C9orf85: variants seen among roughly 807,000 people sequenced by gnomAD.
C9orf85 encodes the protein chromosome 9 open reading frame 85, also known as uncharacterized protein C9orf85.
A neutral mutation model predicts 14.9 loss-of-function variants in C9orf85; 16 were observed. The ratio of observed to expected loss-of-function variants is 1.08; its 90% CI spans 0.73 to 1.63. The LOEUF is 1.63. C9orf85 is among the 40% of genes most tolerant of loss of function. C9orf85 has a pLI of 0.00. For synonymous variants in C9orf85, 45 were observed against 56.8 expected (o/e 0.79, Z 0.93); for missense variants, 172 against 186.1 (o/e 0.92, Z 0.44).
intron 2 of C9orf85, among the ~76,000 whole-genome samples, chr9:71,959,187 G>A (rs993089228): frequency 9.9e-5 from 15 of 151,408 alleles, no homozygotes; most frequent in Non-Finnish European, 1.9e-4. Flanking sequence ...GCCCAGGCTG[G>A]AGTACAATGG....
Position 71,972,734 on chromosome 9 carries a change from T to G in C9orf85, c.366T>G (p.Asn122Lys), listed in dbSNP as rs1822910617. The G allele has an allele frequency of 6.2e-7, 1 of 1,603,698 alleles. No homozygotes were observed. The highest frequency in any genetic ancestry group is 1.3e-5 in the African/African-American group (1 of 74,598). Reference sequence around the variant, plus strand: ...AAAAAATAGAACATACTGAAAATAATCTAAGTTCCAACCATAGAAGAAGCT... The same window carrying G: ...AAAAAATAGAACATACTGAAAATAAGCTAAGTTCCAACCATAGAAGAAGCT... Reference protein sequence around the residue: ...ETEKIEHTENNLSSNHRRSCR... With the variant: ...ETEKIEHTENKLSSNHRRSCR... Residue 122 changes from asparagine (N) to lysine (K), a missense_variant, in exon 4 of 4, where the codon AAT (asparagine) becomes AAG (lysine). Coordinates refer to ENST00000334731, the MANE Select transcript of C9orf85 (RefSeq NM_182505.5).
intron 2 of C9orf85, among the ~76,000 whole-genome samples, chr9:71,954,945 A>G (rs111889610): frequency 7.2e-5 from 11 of 152,150 alleles, no homozygotes; most frequent in African/African-American, 2.4e-4. Flanking sequence ...TTTGCTACAA[A>G]GCTTTCTTGT....
At chr9:71,948,148 T>G (rs1157910886) in intron 2 of C9orf85, among the ~76,000 whole-genome samples, 1 of 152,256 alleles carries the variant, frequency 6.6e-6, no homozygotes, top group Non-Finnish European at 1.5e-5. Flanking sequence ...ATATAGTAGC[T>G]ATTTAGACTA....
At chr9:71,960,377 T>C (rs1028662076) in intron 2 of C9orf85, among the ~76,000 whole-genome samples, 40 of 152,232 alleles carry the variant, frequency 2.6e-4, no homozygotes, top group Non-Finnish European at 7.3e-5. Context: ...TGCATAACTT[T>C]TGGTGATCCA....
At chr9:71,959,391 C>A (rs2132333141) in intron 2 of C9orf85, among the ~76,000 whole-genome samples, 1 of 152,286 alleles carries the variant, frequency 6.6e-6, no homozygotes, top group East Asian at 1.9e-4. Flanking sequence ...CCTGCCTCAG[C>A]CTCCCAAAGT....
At chr9:71,981,372 T>C (rs952808368) in intron 3 of C9orf85, among the ~76,000 whole-genome samples, 3 of 152,144 alleles carry the variant, frequency 2.0e-5, no homozygotes, top group African/African-American at 7.2e-5. Flanking sequence ...GTCCGAAAAA[T>C]AAATCATGTT....
chr9:71,925,249 G>A (rs554614732), intron 1 of C9orf85, among the ~76,000 whole-genome samples: 36 of 152,268 alleles, frequency 2.4e-4, no homozygotes, highest in Admixed American at 2.2e-3. Context: ...GGCTGGGCAC[G>A]GTGGCTCAGG....
At chr9:71,971,097 G>A (rs978559368) in intron 2 of C9orf85, among the ~76,000 whole-genome samples, 8 of 152,198 alleles carry the variant, frequency 5.3e-5, no homozygotes, top group African/African-American at 9.6e-5. Flanking sequence ...ATGTCTTTCC[G>A]TATAGTTAGG....
At chr9:71,921,064 CTG>C (rs1186463973) in intron 1 of C9orf85, among the ~76,000 whole-genome samples, 2 of 152,182 alleles carry the variant, frequency 1.3e-5, no homozygotes, top group African/African-American at 4.8e-5. Flanking sequence ...AAAATAGACT[CTG>C]TAGTAGTAAG....
At chr9:71,980,462 T>C (rs1284055183) in intron 3 of C9orf85, among the ~76,000 whole-genome samples, 1 of 152,158 alleles carries the variant, frequency 6.6e-6, no homozygotes, top group Non-Finnish European at 1.5e-5. Flanking sequence ...TTAGAAAAGA[T>C]GGTCTAGAAC....
intron 1 of C9orf85, among the ~76,000 whole-genome samples, chr9:71,944,033 C>T (rs1340173856): frequency 6.6e-6 from 1 of 151,576 alleles, no homozygotes; most frequent in South Asian, 2.1e-4. Flanking sequence ...GCCAGGAGTT[C>T]GAGACCAGCC....
chr9:71,928,802 G>T (rs1827994318), intron 1 of C9orf85, among the ~76,000 whole-genome samples: 1 of 152,128 alleles, frequency 6.6e-6, no homozygotes, highest in African/African-American at 2.4e-5. Context: ...ATAAAAGGTA[G>T]TATTTTATTA....
chr9:71,976,745 TC>T (rs1823008591), downstream of C9orf85, among the ~76,000 whole-genome samples: 1 of 148,578 alleles, frequency 6.7e-6, no homozygotes, highest in Non-Finnish European at 1.5e-5. Flanking sequence ...TTTTTTCAAC[TC>T]CTCAGGTGAT....
intron 1 of C9orf85, among the ~76,000 whole-genome samples, chr9:71,946,037 T>C (rs1012018760): frequency 2.6e-5 from 4 of 152,202 alleles, no homozygotes; most frequent in Admixed American, 6.5e-5. Context: ...CCAACACATT[T>C]TGAAAAGAAA....
chr9:71,953,567 A>G (rs1450737599), intron 2 of C9orf85, among the ~76,000 whole-genome samples: 1 of 152,158 alleles, frequency 6.6e-6, no homozygotes, highest in Non-Finnish European at 1.5e-5. Context: ...TTCATTAAAT[A>G]TTTTAATTGA....
At chr9:71,958,231 T>TTA (rs1406548414) in intron 2 of C9orf85, among the ~76,000 whole-genome samples, 21 of 139,418 alleles carry the variant, frequency 1.5e-4, no homozygotes, top group Non-Finnish European at 2.3e-4. Context: ...TATATATATA[T>TTA]TATATATATA....
In C9orf85 at chr9:71,947,467, G is replaced by A. The variant is rs187307050; in HGVS notation, c.209+355G>A. On this transcript the variant is annotated intron_variant, in intron 2 of 3. Coordinates refer to ENST00000334731, the MANE Select transcript of C9orf85 (RefSeq NM_182505.5). Reference sequence around the variant, plus strand: ...ACCATAAATTATCAATTCTTAAAACGGATCAGACCTTTAGACCTTTTAATT... The same window carrying A: ...ACCATAAATTATCAATTCTTAAAACAGATCAGACCTTTAGACCTTTTAATT... 4.3e-3 allele frequency among the ~76,000 whole-genome samples: 660 copies of A among 151,956 alleles called. 3 individuals carry two copies. The highest frequency in any genetic ancestry group is 0.014 in the African/African-American group (587 of 41,400).
chr9:71,947,780 A>G (rs1464268743), intron 2 of C9orf85, among the ~76,000 whole-genome samples: 1 of 152,106 alleles, frequency 6.6e-6, no homozygotes, highest in Non-Finnish European at 1.5e-5. Flanking sequence ...AGTAACTGGC[A>G]TTACAGGCGC....
intron 1 of C9orf85, among the ~76,000 whole-genome samples, chr9:71,918,928 C>T (rs1447059507): frequency 1.3e-5 from 2 of 150,926 alleles, no homozygotes; most frequent in South Asian, 2.1e-4. Context: ...TGATCCCCCA[C>T]CCCCACCCTA....
Sources: gnomAD v4.1 joint callset for allele counts (sites outside exome capture counted in the v4.1 genomes callset) on GRCh38, gnomAD v4.1.1 for gene constraint, MANE v1.5 for transcripts, NCBI Gene and HGNC (gene_info 2026-07-23, HGNC 2026-07-21) for gene names.